The following RYR2 variants were observed in gnomAD, a reference collection of about 807,000 sequenced individuals.
The protein encoded by RYR2 is cardiac muscle ryanodine receptor-calcium release channel.
RYR2 carries 227 observed loss-of-function variants against 601.1 expected under a neutral mutation model. The ratio of observed to expected loss-of-function variants is 0.38; its 90% CI spans 0.34 to 0.42. RYR2 has a LOEUF of 0.42. Among genes scored for constraint, RYR2 ranks in the 10% least tolerant of loss-of-function variants. The pLI is 1.00. For missense variants in RYR2, 4,646 were observed against 6,156.5 expected, an observed-to-expected ratio of 0.75 and a Z score of 8.21; for synonymous variants, 2,223 against 2,175.1, an observed-to-expected ratio of 1.02 and a Z score of -0.61.
intron 99 of RYR2, among the ~76,000 whole-genome samples, chr1:237,808,664 A>AAAC (rs1553335682): frequency 2.0e-5 from 3 of 150,688 alleles, no homozygotes; most frequent in East Asian, 1.9e-4. Context: ...CAAAAAAAAA[A>AAAC]AAAACAAAAT....
chr1:237,227,773 A>C (rs1344913170), intron 1 of RYR2, among the ~76,000 whole-genome samples: 1 of 152,162 alleles, frequency 6.6e-6, no homozygotes, highest in Non-Finnish European at 1.5e-5. Flanking sequence ...GCTGGGATGG[A>C]ATCCAGCCAC....
At chr1:237,709,761 C>G (rs535299299) in intron 70 of RYR2, among the ~76,000 whole-genome samples, 194 bp downstream of exon 70, 1 of 152,258 alleles carries the variant, frequency 6.6e-6, no homozygotes, top group African/African-American at 2.4e-5. Flanking sequence ...ACTCCATAAA[C>G]ATATTTTAAA....
At chr1:237,699,406 A>G (rs1231742300) in intron 64 of RYR2, among the ~76,000 whole-genome samples, 14 of 152,156 alleles carry the variant, frequency 9.2e-5, no homozygotes, top group Non-Finnish European at 1.9e-4. Flanking sequence ...TTCTCATTTT[A>G]CAGATGAATA....
At chr1:237,085,581 T>A (rs987819518) in intron 1 of RYR2, among the ~76,000 whole-genome samples, 5 of 152,158 alleles carry the variant, frequency 3.3e-5, no homozygotes, top group African/African-American at 1.2e-4. Context: ...TGGGTGCACG[T>A]GTGTGTTTAA....
intron 27 of RYR2, among the ~76,000 whole-genome samples, chr1:237,556,461 C>T (rs967927508): frequency 2.9e-4 from 28 of 97,208 alleles, no homozygotes; most frequent in African/African-American, 7.6e-4. Context: ...CCACGAGGCC[C>T]GGCTAATTTT....
At position 237,369,577 on chromosome 1, in the gene RYR2, C is replaced by A; in HGVS notation, c.353C>A (p.Ala118Asp). Residue 118 changes from alanine to aspartate, a missense_variant, in exon 6 of 105, where the codon GCC (alanine) becomes GAC (aspartate). This residue lies in a region of RYR2 where 153 missense variants were observed against 203.6 expected (regional missense o/e 0.75). Coordinates refer to ENST00000366574, the MANE Select transcript of RYR2 (RefSeq NM_001035.3). Reference protein sequence around the residue: ...GGHRTLLYGHAILLRHSYSGM... With the variant: ...GGHRTLLYGHDILLRHSYSGM... ...CATCGAACACTCCTCTACGGACATG[C>A]CATATTGCTGCGCCATTCCTATAGT... The A allele has an allele frequency of 6.4e-7, 1 of 1,564,762 alleles. No homozygotes were observed. Among genetic ancestry groups the A allele is most frequent in the Non-Finnish European group, 8.7e-7 (1 of 1,152,790 alleles).
rs374425124 is a variant in RYR2, at chr1:237,798,184, C to T, written c.14090+14C>T. The stretch of plus-strand genomic sequence containing the variant: ...CTTATCAGCTGTGTAAGTGTTACTT[C>T]GGCTCTATCCTACAGACTTAGATTG... On this transcript the variant is annotated intron_variant, in intron 97 of 104. Coordinates refer to ENST00000366574, the MANE Select transcript of RYR2 (RefSeq NM_001035.3). 217 of 1,608,000 alleles carry T rather than the reference C, an allele frequency of 1.3e-4. No homozygotes were observed. In the African/African-American group the frequency reaches 2.1e-3, roughly 15 times the overall value.
At chr1:237,827,370 C>T (rs371112505) in intron 101 of RYR2, among the ~76,000 whole-genome samples, 9 of 152,122 alleles carry the variant, frequency 5.9e-5, no homozygotes, top group Admixed American at 3.3e-4. Context: ...CACCATGGCT[C>T]ATGCCTGTAA....
In RYR2 at chr1:237,603,425, G is replaced by T. The variant is rs559529044; in HGVS notation, c.4683+1314G>T. On this transcript the variant is annotated intron_variant, in intron 35 of 104. Transcript: ENST00000366574. ...GTTTATTCACTGACCCCGTGAGGTG[G>T]CCCCAAGGGGCTCTTGCTTCTGGCG... Among the ~76,000 whole-genome samples, 4 of 152,308 alleles carry T rather than the reference G, an allele frequency of 2.6e-5. No individual in the cohort carries two copies. In the East Asian group the frequency reaches 7.8e-4, roughly 30 times the overall value.
chr1:237,330,994 A>G lies in RYR2; in HGVS notation c.273+12A>G, dbSNP rs773831812. 9.4e-6 allele frequency: 15 copies of G among 1,594,230 alleles called. No individual in the cohort carries two copies. The African/African-American group carries it at 1.2e-4, about 13-fold the overall frequency. On this transcript the variant is annotated intron_variant, in intron 3 of 104. Transcript: ENST00000366574. The stretch of plus-strand genomic sequence containing the variant: ...AGAAATCAGAAGGGGCAAGTACCCA[A>G]TTTATGTAGACTTGTAGTATTTTAA...
At chr1:237,064,326 T>G (rs10802584) in intron 1 of RYR2, among the ~76,000 whole-genome samples, 1 of 152,082 alleles carries the variant, frequency 6.6e-6, no homozygotes. Context: ...TAGTAATTGG[T>G]TTTACATTTG....
intron 17 of RYR2, among the ~76,000 whole-genome samples, chr1:237,481,796 C>T (rs1662122647): frequency 7.2e-6 from 1 of 139,404 alleles, no homozygotes; most frequent in Non-Finnish European, 1.5e-5. Flanking sequence ...ACAGCCTCAC[C>T]ATTGCTGTGT....
At chr1:237,072,802 C>T (rs1174126867) in intron 1 of RYR2, among the ~76,000 whole-genome samples, 1 of 151,816 alleles carries the variant, frequency 6.6e-6, no homozygotes, top group East Asian at 1.9e-4. Context: ...CAAAAAATTA[C>T]CCAGGCGTGG....
At chr1:237,368,842 A>ATTT (rs1558697074) in intron 5 of RYR2, among the ~76,000 whole-genome samples, 143 of 125,988 alleles carry the variant, frequency 1.1e-3, no homozygotes, top group African/African-American at 2.7e-3. Flanking sequence ...TTTATTTATT[A>ATTT]AGATAGAGTC....
intron 1 of RYR2, among the ~76,000 whole-genome samples, chr1:237,237,933 CCCTTTCCTTTCCCCTTTCCTTT>C (rs1685734067): frequency 4.0e-5 from 2 of 49,986 alleles, no homozygotes; most frequent in African/African-American, 1.1e-4. Flanking sequence ...TTTCCCTTTC[CCCTTTCCTTTCCCCTTTCCTTT>C]CCTTTCCTTT....
At chr1:237,476,370 C>T (rs932433783) in intron 17 of RYR2, among the ~76,000 whole-genome samples, 4 of 151,946 alleles carry the variant, frequency 2.6e-5, no homozygotes, top group African/African-American at 9.7e-5. Context: ...ATTAGCCAGG[C>T]ATGGTGGCAG....
chr1:237,290,025 C>A (rs1020149130), intron 2 of RYR2, among the ~76,000 whole-genome samples: 2 of 152,130 alleles, frequency 1.3e-5, no homozygotes, highest in Non-Finnish European at 2.9e-5. Context: ...ACATAGTGGC[C>A]TACTCATGGT....
At chr1:237,706,538 A>T (rs1688394773) in intron 67 of RYR2, among the ~76,000 whole-genome samples, 1 of 152,164 alleles carries the variant, frequency 6.6e-6, no homozygotes, top group African/African-American at 2.4e-5. Context: ...AGGAGGTATT[A>T]CAGGGCTGAA....
chr1:237,493,599 C>G (rs1261538108), intron 19 of RYR2, among the ~76,000 whole-genome samples: 2 of 151,954 alleles, frequency 1.3e-5, no homozygotes, highest in African/African-American at 2.4e-5. Context: ...ACTACAGGTG[C>G]CCGCCACCAC....
Sources: allele counts gnomAD v4.1 joint callset (sites outside exome capture counted in the v4.1 genomes callset), GRCh38; gene constraint gnomAD v4.1.1; regional missense constraint gnomAD v4.1.1; transcripts MANE v1.5; gene names NCBI Gene and HGNC (gene_info 2026-07-23, HGNC 2026-07-21).